Variants in MAP3K7 observed in about 807,000 individuals in gnomAD.
MAP3K7 encodes TGF-beta activated kinase 1.
In MAP3K7, 21 loss-of-function variants were observed where a neutral mutation model predicts 84.8. The observed-to-expected ratio is 0.25, with a 90% CI of 0.18 to 0.36. The LOEUF (loss-of-function observed/expected upper bound fraction) is 0.36. Ranked by LOEUF, MAP3K7 falls within the 10% of genes least tolerant of loss-of-function variation. MAP3K7 has a pLI of 1.00. For synonymous variants in MAP3K7, 241 were observed against 247.7 expected, an observed-to-expected ratio of 0.97 and a Z score of 0.25; for missense variants, 503 against 747.7, an observed-to-expected ratio of 0.67 and a Z score of 3.82.
At chr6:90,540,419 T>C (rs1775818119) in intron 12 of MAP3K7, among the ~76,000 whole-genome samples, 1 of 151,872 alleles carries the variant, frequency 6.6e-6, no homozygotes, top group Non-Finnish European at 1.5e-5. Flanking sequence ...AATAAATTTA[T>C]CTATGATGAT....
intron 12 of MAP3K7, chr6:90,542,273 T>A (rs938619098): frequency 8.1e-6 from 8 of 984,226 alleles, no homozygotes; most frequent in Non-Finnish European, 9.6e-6. Flanking sequence ...CATGATTGGC[T>A]TTTATGTCCA....
rs1776199003 is a variant in MAP3K7 at position 90,552,164 on chromosome 6, A to C, written c.752T>G (p.Leu251Arg). 1 of 1,610,432 alleles carries C rather than the reference A, an allele frequency of 6.2e-7. No homozygotes were observed. ...WAVHNGTRPP[L>R]IKNLPKPIES... is the part of the protein sequence containing the mutation. ...AATGGGCTTAGGTAAATTTTTTATC[A>C]GTGGTGGTCGAGTACCTACAATTGA... is the stretch of plus-strand genomic sequence containing the variant. Residue 251 changes from leucine (L) to arginine (R), a missense_variant, in exon 8 of 17, where the codon CTG becomes CGG. By Grantham distance (102) the Leu-to-Arg change is moderately radical (BLOSUM62 -2). This residue lies in a region of MAP3K7 where 286 missense variants were observed against 313.6 expected (regional missense o/e 0.91). Coordinates refer to ENST00000369329, the MANE Select transcript of MAP3K7 (RefSeq NM_145331.3).
chr6:90,535,940 T>C lies in MAP3K7; in HGVS notation c.1356+397A>G, dbSNP rs111680514. On this transcript the variant is annotated intron_variant, in intron 13 of 16. Transcript: ENST00000369329. ...AATGCCCTACGTGGCGCTAGAGGAGTAGCAACTTATTGGGGAAATGTTTAC... is the reference window on the plus strand; with the variant it reads ...AATGCCCTACGTGGCGCTAGAGGAGCAGCAACTTATTGGGGAAATGTTTAC... Among the ~76,000 whole-genome samples, 162 of 152,156 alleles carry C rather than the reference T, an allele frequency of 1.1e-3. 1 individual carries two copies. The highest frequency in any genetic ancestry group is 3.5e-3 in the African/African-American group (147 of 41,542).
intron 7 of MAP3K7, among the ~76,000 whole-genome samples, chr6:90,552,641 A>G (rs1340328706): frequency 6.6e-6 from 1 of 152,236 alleles, no homozygotes; most frequent in Non-Finnish European, 1.5e-5. Flanking sequence ...TAGAAATGAA[A>G]TAACTAAGAG....
chr6:90,565,800 T>C lies in MAP3K7; in HGVS notation c.297+2758A>G, dbSNP rs371195435. ...GACCAATATCCCTGATGAACATCGA[T>C]GCAAAAATCCTCAATAAAATACTGG... On this transcript the variant is annotated intron_variant, in intron 3 of 16. Transcript: ENST00000369329. Among the ~76,000 whole-genome samples, 33 of 152,298 alleles carry C rather than the reference T, an allele frequency of 2.2e-4. No homozygotes were observed. The East Asian group carries it at 4.4e-3, about 20-fold the overall frequency.
At chr6:90,557,116 C>T (rs570244724) in intron 5 of MAP3K7, among the ~76,000 whole-genome samples, 179 of 152,206 alleles carry the variant, frequency 1.2e-3, no homozygotes, top group African/African-American at 4.1e-3. Context: ...AATCCCAAAA[C>T]CATTTTTGTG....
At chr6:90,518,333 G>C in intron 16 of MAP3K7, 114 bp downstream of exon 16, 1 of 625,698 alleles carries the variant, frequency 1.6e-6, no homozygotes, top group Middle Eastern at 4.4e-4. Context: ...GCTTAAACAA[G>C]TTGAAAGTAT....
chr6:90,544,056 C>A (rs1357584034), intron 12 of MAP3K7, among the ~76,000 whole-genome samples: 2 of 152,002 alleles, frequency 1.3e-5, no homozygotes, highest in African/African-American at 4.8e-5. Context: ...TTTTGTTTTC[C>A]AGGTTAAGGC....
At chr6:90,543,964 C>T (rs941133887) in intron 12 of MAP3K7, among the ~76,000 whole-genome samples, 1 of 152,056 alleles carries the variant, frequency 6.6e-6, no homozygotes, top group East Asian at 1.9e-4. Context: ...TGATAATACA[C>T]AAAAATCAGA....
At position 90,516,157 on chromosome 6, in the gene MAP3K7, G is replaced by A. The variant is rs35335029; in HGVS notation, c.*344C>T. On this transcript the variant is annotated 3_prime_UTR_variant, in exon 17 of 17. Coordinates refer to ENST00000369329, the MANE Select transcript of MAP3K7 (RefSeq NM_145331.3). The stretch of plus-strand genomic sequence containing the variant: ...CCACCTCTAATATGAAAAAATGGAC[G>A]CTGTTTGCACATAGCAGCTAGTTTG... The A allele has an allele frequency of 4.5e-3, 998 of 222,898 alleles. 12 individuals carry two copies. The highest frequency in any genetic ancestry group is 0.022 in the African/African-American group (937 of 43,336). The allele number at this position is 222,898 out of a possible 1,614,324, so 13.8% of individuals were successfully genotyped here.
At chr6:90,586,395 AAAAAAG>A (rs1777455715) in intron 1 of MAP3K7, among the ~76,000 whole-genome samples, 1 of 151,562 alleles carries the variant, frequency 6.6e-6, no homozygotes, top group Non-Finnish European at 1.5e-5. Flanking sequence ...AAAAAAAAAA[AAAAAAG>A]AACATTACGT....
At chr6:90,553,348 G>C (rs1445120839) in intron 7 of MAP3K7, 110 bp downstream of exon 7, 3 of 1,101,432 alleles carry the variant, frequency 2.7e-6, no homozygotes, top group Non-Finnish European at 3.9e-6. Context: ...ACAAAGAATT[G>C]TACATTTTAA....
intron 12 of MAP3K7, among the ~76,000 whole-genome samples, chr6:90,539,638 G>T (rs574250066): frequency 6.6e-6 from 1 of 151,740 alleles, no homozygotes; most frequent in East Asian, 1.9e-4. Flanking sequence ...GTTACCGACC[G>T]GCTCTTGAAC....
chr6:90,569,948 G>A (rs551204625), intron 2 of MAP3K7, among the ~76,000 whole-genome samples: 1 of 151,944 alleles, frequency 6.6e-6, no homozygotes, highest in East Asian at 1.9e-4. Context: ...CCTTCATACT[G>A]TATGCTAATA....
At chr6:90,562,451 CA>C (rs1776554244) in intron 3 of MAP3K7, among the ~76,000 whole-genome samples, 1 of 152,192 alleles carries the variant, frequency 6.6e-6, no homozygotes, top group Non-Finnish European at 1.5e-5. Flanking sequence ...CGGAGGGTCC[CA>C]TGCCCACGGT....
intron 6 of MAP3K7, 78 bp downstream of exon 6, chr6:90,556,421 TG>T (rs1776340350): frequency 6.8e-7 from 1 of 1,465,332 alleles, no homozygotes; most frequent in Non-Finnish European, 9.3e-7. Flanking sequence ...ACCATGGAAA[TG>T]GGGAAAATCT....
chr6:90,513,850 A>T lies in MAP3K7; in HGVS notation c.*2651T>A, dbSNP rs899690154. On this transcript the variant is annotated 3_prime_UTR_variant, in exon 17 of 17. Transcript: ENST00000369329. The stretch of plus-strand genomic sequence containing the variant: ...TTAGGAACATGAAAGAAACTTGAAG[A>T]GAGAAGACATTCAATACTCTAAAAT... The T allele has an allele frequency of 2.6e-5, 4 of 152,136 alleles. No homozygotes were observed. Among genetic ancestry groups the T allele is most frequent in the Non-Finnish European group, 4.4e-5 (3 of 68,014 alleles). 9.4% of individuals were successfully genotyped at this position (152,136 alleles called of 1,614,324 possible).
intron 11 of MAP3K7, among the ~76,000 whole-genome samples, 191 bp downstream of exon 11, chr6:90,547,067 T>C (rs994491939): frequency 2.0e-5 from 3 of 152,182 alleles, no homozygotes; most frequent in African/African-American, 7.2e-5. Flanking sequence ...TTACAAGTCA[T>C]ACCTTCCTTA....
intron 12 of MAP3K7, among the ~76,000 whole-genome samples, chr6:90,540,954 A>C (rs1775837560): frequency 6.6e-6 from 1 of 151,938 alleles, no homozygotes; most frequent in Admixed American, 6.6e-5. Context: ...CAATCCCAAT[A>C]ATCTATTTCA....
Sources: gnomAD v4.1 joint callset for allele counts (sites outside exome capture counted in the v4.1 genomes callset) on GRCh38, gnomAD v4.1.1 for gene constraint, gnomAD v4.1.1 regional missense constraint, MANE v1.5 for transcripts, NCBI Gene and HGNC (gene_info 2026-07-23, HGNC 2026-07-21) for gene names.